The following PARP1 variants were observed in gnomAD, a reference collection of about 807,000 sequenced individuals.
PARP1 encodes poly [ADP-ribose] polymerase 1.
Under a neutral mutation model 118.7 loss-of-function variants are expected in PARP1, and 44 were observed. That is an observed-to-expected ratio of 0.37 (90% confidence interval 0.29 to 0.48). PARP1 has a LOEUF of 0.48. Ranked by LOEUF, PARP1 falls within the 20% of genes least tolerant of loss-of-function variation. The pLI, the probability that PARP1 is intolerant of heterozygous loss-of-function variation, is 0.99. For synonymous variants in PARP1, 492 were observed against 483.2 expected (o/e 1.02, Z -0.24); for missense variants, 1,100 against 1,272.4 (o/e 0.86, Z 2.06).
chr1:226,379,858 A>T (rs1158369373), intron 10 of PARP1, 64 bp downstream of exon 10: 67 of 1,610,370 alleles, frequency 4.2e-5, no homozygotes, highest in Non-Finnish European at 5.6e-5. Context: ...GGTTCCGTGG[A>T]CAACAACCTG....
At chr1:226,385,315 A>G (rs1464503200) in intron 7 of PARP1, among the ~76,000 whole-genome samples, 189 bp downstream of exon 7, 1 of 152,222 alleles carries the variant, frequency 6.6e-6, no homozygotes, top group Non-Finnish European at 1.5e-5. Flanking sequence ...TACTTAGAGG[A>G]GCTTCGGTTC....
intron 21 of PARP1, 78 bp downstream of exon 21, chr1:226,363,021 T>C: frequency 1.0e-6 from 1 of 980,650 alleles, no homozygotes; most frequent in South Asian, 1.3e-5. Flanking sequence ...AAGGCAGCCT[T>C]CTCAGGACAG....
At chr1:226,395,619 TG>T (rs1270907080) in intron 2 of PARP1, among the ~76,000 whole-genome samples, 1 of 152,096 alleles carries the variant, frequency 6.6e-6, no homozygotes, top group Non-Finnish European at 1.5e-5. Flanking sequence ...CACTCCAGCC[TG>T]GGCAAGAGTG....
intron 8 of PARP1, 139 bp downstream of exon 8, chr1:226,382,897 G>T: frequency 3.2e-6 from 3 of 928,750 alleles, no homozygotes; most frequent in African/African-American, 1.6e-5. Context: ...ATCCCCTGCA[G>T]GGCAAGGCTT....
chr1:226,402,029 A>T (rs537996703), intron 2 of PARP1, 185 bp downstream of exon 2: 1 of 1,508,970 alleles, frequency 6.6e-7, no homozygotes, highest in South Asian at 1.3e-5. Context: ...AAAATACCAA[A>T]TATCATGCAA....
intron 2 of PARP1, among the ~76,000 whole-genome samples, chr1:226,399,683 G>A (rs1050338023): frequency 1.3e-5 from 2 of 152,148 alleles, no homozygotes; most frequent in African/African-American, 4.8e-5. Flanking sequence ...GAGGGATAAC[G>A]ATGTGTCAAT....
chr1:226,379,828 G>A, intron 10 of PARP1, 94 bp downstream of exon 10: 2 of 1,588,788 alleles, frequency 1.3e-6, no homozygotes, highest in Non-Finnish European at 1.7e-6. Context: ...AACAGGCCAT[G>A]TCAGGGACAC....
intron 13 of PARP1, among the ~76,000 whole-genome samples, chr1:226,376,861 A>G (rs1009562631): frequency 5.9e-5 from 9 of 152,150 alleles, no homozygotes; most frequent in Admixed American, 5.9e-4. Context: ...TATTCACAGG[A>G]AACTGCTCTG....
At chr1:226,385,384 C>G in intron 7 of PARP1, 120 bp downstream of exon 7, 1 of 811,442 alleles carries the variant, frequency 1.2e-6, no homozygotes, top group Non-Finnish European at 2.1e-6. Flanking sequence ...GATGACGCAG[C>G]TGTAAAGAAG....
rs1664834783 is a variant in PARP1, at chr1:226,392,270, C to G, written c.331G>C (p.Gly111Arg). ...TTGGCATACTCTGCTGCAAAGTCAC[C>G]CAGAGTCTTCTCTGCCTTGCTACCA... ...GIGSKAEKTL[G>R]DFAAEYAKSN... The change falls in exon 3 of 23, where the codon GGT becomes CGT. Residue 111 changes from glycine (G) to arginine (R), a missense_variant. Transcript: ENST00000366794. 6.2e-7 allele frequency: 1 copy of G among 1,613,996 alleles called. No homozygotes were observed. The highest frequency in any genetic ancestry group is 1.7e-5 in the Admixed American group (1 of 60,002).
intron 12 of PARP1, among the ~76,000 whole-genome samples, chr1:226,378,394 G>A (rs3219084): frequency 3.4e-3 from 496 of 147,674 alleles, no homozygotes; most frequent in African/African-American, 0.011. Flanking sequence ...AACCTTGCCT[G>A]TCTCACCATG....
chr1:226,367,011 C>G, intron 17 of PARP1: 1 of 271,184 alleles, frequency 3.7e-6, no homozygotes, highest in Non-Finnish European at 7.1e-6. Context: ...ACACAGTCCA[C>G]TTCAGCACCA....
In PARP1 at chr1:226,367,468, T is replaced by C. The variant is rs1339852301; in HGVS notation, c.2406+12A>G. The C allele has an allele frequency of 1.2e-5, 20 of 1,613,460 alleles. No homozygotes were observed. The highest frequency in any genetic ancestry group is 1.7e-5 in the Non-Finnish European group (20 of 1,179,948). On this transcript the variant is annotated intron_variant, in intron 17 of 22. Coordinates refer to ENST00000366794, the MANE Select transcript of PARP1 (RefSeq NM_001618.4). ...GAGGTTAAGATGCTTGAGGAAGGCC[T>C]GACCCTGTTACCTTAATGTCAGTTT...
At chr1:226,394,943 G>A (rs1664887326) in intron 2 of PARP1, among the ~76,000 whole-genome samples, 1 of 152,204 alleles carries the variant, frequency 6.6e-6, no homozygotes, top group African/African-American at 2.4e-5. Flanking sequence ...AATACTGGAT[G>A]AAATTTAGCA....
intron 14 of PARP1, 134 bp downstream of exon 14, chr1:226,374,092 G>A (rs1664445451): frequency 2.9e-6 from 3 of 1,029,042 alleles, no homozygotes; most frequent in Non-Finnish European, 4.5e-6. Flanking sequence ...AAGATTGAAG[G>A]ACAGGTACAA....
Position 226,390,340 on chromosome 1 carries a change from T to C in PARP1, c.617+70A>G. Reference sequence around the variant, plus strand: ...GGAAACAGAGGAGTGGTATGGAACCTGTAGGGCCTTTGGGCCTCCCTTGAA... The same window carrying C: ...GGAAACAGAGGAGTGGTATGGAACCCGTAGGGCCTTTGGGCCTCCCTTGAA... On this transcript the variant is annotated intron_variant, in intron 4 of 22. Transcript: ENST00000366794. 7 of 1,321,964 alleles carry C rather than the reference T, an allele frequency of 5.3e-6. No homozygotes were observed. The South Asian group carries it at 8.3e-5, about 16-fold the overall frequency. The allele number at this position is 1,321,964 out of a possible 1,614,324, so 81.9% of individuals were successfully genotyped here.
intron 6 of PARP1, 74 bp downstream of exon 6, chr1:226,386,252 C>G: frequency 1.1e-6 from 1 of 880,890 alleles, no homozygotes; most frequent in Non-Finnish European, 2.0e-6. Context: ...CTCCCACACT[C>G]CATTGGGACA....
Position 226,386,408 on chromosome 1 carries a change from T to A in PARP1, c.752A>T (p.Glu251Val). The change falls in exon 6 of 23, where the codon GAG becomes GTG. Residue 251 changes from glutamate to valine, a missense_variant. Physicochemically the swap from Glu to Val is moderately radical, Grantham distance 121. Coordinates refer to ENST00000366794, the MANE Select transcript of PARP1 (RefSeq NM_001618.4). Reference protein sequence around the residue: ...QNDLIWNIKDELKKVCSTNDL... With the variant: ...QNDLIWNIKDVLKKVCSTNDL... ...ATTAGTTGAACACACTTTCTTTAGC[T>A]CGTCCTTGATGTTCCAGATCAGGTC... 6.2e-7 allele frequency: 1 copy of A among 1,613,954 alleles called. No homozygotes were observed. The highest frequency in any genetic ancestry group is 8.5e-7 in the Non-Finnish European group (1 of 1,179,816).
rs1409881134 is a variant in PARP1 at position 226,391,408 on chromosome 1, G to A, written c.403-784C>T. 2.0e-5 allele frequency among the ~76,000 whole-genome samples: 3 copies of A among 152,116 alleles called. No individual in the cohort carries two copies. In the East Asian group the frequency reaches 5.8e-4, roughly 29 times the overall value. Reference sequence around the variant, plus strand: ...CCAGTCCCCAGGCCTGATATTCCCAGGAGAGTTCCAGGCCTGGGAGGCTCA... The same window carrying A: ...CCAGTCCCCAGGCCTGATATTCCCAAGAGAGTTCCAGGCCTGGGAGGCTCA... On this transcript the variant is annotated intron_variant, in intron 3 of 22. Transcript: ENST00000366794.
Sources: gnomAD v4.1 joint callset for allele counts (sites outside exome capture counted in the v4.1 genomes callset) on GRCh38, gnomAD v4.1.1 for gene constraint, MANE v1.5 for transcripts, NCBI Gene and HGNC (gene_info 2026-07-23, HGNC 2026-07-21) for gene names.